SH3D19: variants seen among roughly 807,000 people sequenced by gnomAD.
SH3D19 encodes the protein SH3 domain-containing protein 19.
In SH3D19, 58 loss-of-function variants were observed where a neutral mutation model predicts 112.1. The ratio of observed to expected loss-of-function variants is 0.52; its 90% CI spans 0.42 to 0.64. SH3D19 has a LOEUF of 0.64. Ranked by LOEUF, SH3D19 falls within the 30% of genes least tolerant of loss-of-function variation. SH3D19 has a pLI of 0.00. For missense variants in SH3D19, 1,090 were observed against 1,263.4 expected (o/e 0.86, Z 2.08); for synonymous variants, 391 against 448.5 (o/e 0.87, Z 1.62).
chr4:151,143,814 G>C lies in SH3D19; in HGVS notation c.2223+96C>G, dbSNP rs77828541. The C allele has an allele frequency of 3.1e-3, 4,112 of 1,340,026 alleles. 14 individuals are homozygous for C. Among genetic ancestry groups the C allele is most frequent in the Non-Finnish European group, 3.3e-3 (3,187 of 980,232 alleles). 83.0% of individuals were successfully genotyped at this position (1,340,026 alleles called of 1,614,324 possible). On this transcript the variant is annotated intron_variant, in intron 12 of 19. Coordinates refer to ENST00000604030, the MANE Select transcript of SH3D19 (RefSeq NM_001378122.1). ...AATTTTTACTCTGGTTAAAATAAAT[G>C]TGCTAATAAAAACCTGAAGATGAGA...
intron 1 of SH3D19, among the ~76,000 whole-genome samples, chr4:151,273,071 C>A (rs1580371034): frequency 6.6e-6 from 1 of 152,164 alleles, no homozygotes; most frequent in South Asian, 2.1e-4. Flanking sequence ...ACTAGGATAA[C>A]TATTTAATTC....
intron 1 of SH3D19, among the ~76,000 whole-genome samples, chr4:151,237,515 C>G (rs944353839): frequency 7.7e-6 from 1 of 129,216 alleles, no homozygotes; most frequent in Admixed American, 8.6e-5. Flanking sequence ...AGCAGGAACT[C>G]TAGGTCAGAC....
chr4:151,325,311 T>A lies in SH3D19; in HGVS notation c.42A>T (p.Leu14=). The A allele has an allele frequency of 1.6e-6, 2 of 1,218,876 alleles. No individual in the cohort carries two copies. Among genetic ancestry groups the A allele is most frequent in the Non-Finnish European group, 2.0e-6 (2 of 979,674 alleles). The allele number at this position is 1,218,876 out of a possible 1,614,324, so 75.5% of individuals were successfully genotyped here. The change falls in exon 1 of 20, where the codon CTA becomes CTT. Residue 14 remains leucine (L), a synonymous_variant. Coordinates refer to ENST00000604030, the MANE Select transcript of SH3D19 (RefSeq NM_001378122.1). ...GGCCACCAAGTTCGCGGCGCTCGCG[T>A]AGCTCTTCCTCCTCGTCCTCCCGCC... ...GRRREDEEEE[L]RERRELGGQR...
chr4:151,302,734 T>C (rs1420238870), intron 1 of SH3D19, among the ~76,000 whole-genome samples: 1 of 152,200 alleles, frequency 6.6e-6, no homozygotes, highest in Admixed American at 6.5e-5. Context: ...CAAGGTCATA[T>C]AGCGGGCTAG....
At chr4:151,201,396 T>C (rs1429543970) in intron 2 of SH3D19, among the ~76,000 whole-genome samples, 2 of 152,236 alleles carry the variant, frequency 1.3e-5, no homozygotes, top group Non-Finnish European at 2.9e-5. Flanking sequence ...TAAATCCATA[T>C]AACATTTAGA....
intron 1 of SH3D19, among the ~76,000 whole-genome samples, chr4:151,256,142 A>T (rs1255985383): frequency 6.6e-6 from 1 of 152,090 alleles, no homozygotes; most frequent in Non-Finnish European, 1.5e-5. Flanking sequence ...TATCATATCA[A>T]CTTCTGGGCA....
intron 15 of SH3D19, among the ~76,000 whole-genome samples, chr4:151,133,485 G>C (rs1751177110): frequency 6.6e-6 from 1 of 152,162 alleles, no homozygotes; most frequent in Non-Finnish European, 1.5e-5. Context: ...AGTTTACCCT[G>C]CTGTGTCTTT....
At chr4:151,283,062 T>C in intron 1 of SH3D19, 1 of 1,546,134 alleles carries the variant, frequency 6.5e-7, no homozygotes. Context: ...GACTGAATGC[T>C]GCCCCTGCAC....
chr4:151,192,449 C>T (rs1762806674), intron 2 of SH3D19, among the ~76,000 whole-genome samples: 1 of 152,120 alleles, frequency 6.6e-6, no homozygotes, highest in African/African-American at 2.4e-5. Context: ...AAATTTCCTA[C>T]CCATTTTCCA....
intron 1 of SH3D19, among the ~76,000 whole-genome samples, chr4:151,233,064 T>C (rs1478702450): frequency 1.3e-5 from 2 of 151,886 alleles, no homozygotes; most frequent in East Asian, 1.9e-4. Context: ...TCATAGGAGC[T>C]TGAACCCTAT....
At chr4:151,301,547 G>C (rs72967591) in intron 1 of SH3D19, among the ~76,000 whole-genome samples, 4,935 of 152,008 alleles carry the variant, frequency 0.032, 279 homozygotes, top group African/African-American at 0.11. Flanking sequence ...TTGTTTTAAA[G>C]GTGTGTGGCA....
chr4:151,237,239 A>G (rs952839612), intron 1 of SH3D19, among the ~76,000 whole-genome samples: 37 of 152,248 alleles, frequency 2.4e-4, no homozygotes, highest in Non-Finnish European at 4.7e-4. Flanking sequence ...TCATTCTTGA[A>G]GTCAGCAAGA....
intron 19 of SH3D19, among the ~76,000 whole-genome samples, chr4:151,122,847 CTTTTTTTTTTTTTT>C (rs760704406): frequency 3.3e-5 from 4 of 120,842 alleles, no homozygotes; most frequent in Admixed American, 8.5e-5. Flanking sequence ...ATTTTAGAGA[CTTTTTTTTTTTTTT>C]TTTTTTTTGA....
intron 2 of SH3D19, among the ~76,000 whole-genome samples, chr4:151,188,754 C>T (rs960441060): frequency 7.2e-5 from 11 of 152,136 alleles, no homozygotes; most frequent in African/African-American, 2.7e-4. Flanking sequence ...GGGTGGAACA[C>T]GGAAGGTGTT....
chr4:151,234,041 G>A (rs187491054), intron 1 of SH3D19, among the ~76,000 whole-genome samples: 2 of 152,278 alleles, frequency 1.3e-5, no homozygotes, highest in East Asian at 3.9e-4. Context: ...TGTGTCTTAA[G>A]AATTCCCATA....
chr4:151,221,037 C>T (rs1394276884), intron 2 of SH3D19, among the ~76,000 whole-genome samples: 2 of 152,192 alleles, frequency 1.3e-5, no homozygotes, highest in Non-Finnish European at 2.9e-5. Flanking sequence ...TCAAAAACCA[C>T]CCAGGATGCC....
chr4:151,206,671 T>C (rs1765156962), intron 2 of SH3D19, among the ~76,000 whole-genome samples: 3 of 152,322 alleles, frequency 2.0e-5, no homozygotes, highest in African/African-American at 7.2e-5. Context: ...GGTATTGCAT[T>C]GACTTGTGAG....
intron 1 of SH3D19, among the ~76,000 whole-genome samples, chr4:151,318,969 G>A (rs534432719): frequency 1.3e-5 from 2 of 152,280 alleles, no homozygotes; most frequent in East Asian, 3.9e-4. Flanking sequence ...AAAGCAGGGA[G>A]CCTATTTTAT....
chr4:151,158,449 G>A lies in SH3D19; in HGVS notation c.1755+791C>T, dbSNP rs1345139356. 3.9e-5 allele frequency among the ~76,000 whole-genome samples: 6 copies of A among 152,024 alleles called. 1 individual carries two copies. In the South Asian group the frequency reaches 8.3e-4, roughly 21 times the overall value. On this transcript the variant is annotated intron_variant, in intron 9 of 19. Coordinates refer to ENST00000604030, the MANE Select transcript of SH3D19 (RefSeq NM_001378122.1). ...GGAGTAGCTGGGATTACAGGCACAC[G>A]ACACCACGTCCGGCTAATTTTTGTA...
Sources: allele counts gnomAD v4.1 joint callset (sites outside exome capture counted in the v4.1 genomes callset), GRCh38; gene constraint gnomAD v4.1.1; transcripts MANE v1.5; gene names NCBI Gene and HGNC (gene_info 2026-07-23, HGNC 2026-07-21).